Variants in PRKCE observed in about 807,000 individuals in gnomAD.
The protein encoded by PRKCE is protein kinase C epsilon type.
Under a neutral mutation model 85.4 loss-of-function variants are expected in PRKCE, and 16 were observed. The ratio of observed to expected loss-of-function variants is 0.19; its 90% CI spans 0.13 to 0.28. The LOEUF is 0.28. Among genes scored for constraint, PRKCE ranks in the 10% least tolerant of loss-of-function variants. The pLI, the probability that PRKCE is intolerant of heterozygous loss-of-function variation, is 1.00. For missense variants in PRKCE, 573 were observed against 975.2 expected (o/e 0.59, Z 5.49); for synonymous variants, 388 against 371.5 (o/e 1.04, Z -0.51).
intron 11 of PRKCE, among the ~76,000 whole-genome samples, chr2:46,137,027 G>C (rs544511431): frequency 1.3e-5 from 2 of 152,192 alleles, no homozygotes; most frequent in African/African-American, 2.4e-5. Context: ...CACTGGCAGG[G>C]AATGTGTATT....
At chr2:46,076,189 C>T (rs1161432603) in intron 10 of PRKCE, among the ~76,000 whole-genome samples, 1 of 152,226 alleles carries the variant, frequency 6.6e-6, no homozygotes, top group Non-Finnish European at 1.5e-5. Context: ...ACACACCATT[C>T]CTGCTTAACT....
At chr2:45,871,736 G>A (rs544189188) in intron 2 of PRKCE, among the ~76,000 whole-genome samples, 13 of 152,266 alleles carry the variant, frequency 8.5e-5, no homozygotes, top group Admixed American at 3.9e-4. Flanking sequence ...CCAGGTCAGC[G>A]GTAAGGATTT....
intron 10 of PRKCE, chr2:46,010,896 G>C: frequency 6.8e-7 from 1 of 1,479,916 alleles, no homozygotes; most frequent in Non-Finnish European, 8.9e-7. Context: ...ATATGAAAAA[G>C]AGTAAAGGCC....
intron 2 of PRKCE, among the ~76,000 whole-genome samples, chr2:45,925,419 C>A (rs971051024): frequency 6.6e-6 from 1 of 152,160 alleles, no homozygotes. Flanking sequence ...GCCTCAGCCT[C>A]CCGAGTAGCT....
At chr2:46,162,501 C>T in intron 14 of PRKCE, among the ~76,000 whole-genome samples, 1 of 152,152 alleles carries the variant, frequency 6.6e-6, no homozygotes, top group South Asian at 2.1e-4. Context: ...CTCCCTGCCT[C>T]CCCAGACCTT....
intron 1 of PRKCE, among the ~76,000 whole-genome samples, chr2:45,794,216 G>A (rs577696800): frequency 2.0e-5 from 3 of 152,042 alleles, no homozygotes; most frequent in South Asian, 4.2e-4. Context: ...TTGCCTTCTC[G>A]GATATCGACG....
chr2:46,156,170 T>C (rs1677188070), intron 13 of PRKCE, among the ~76,000 whole-genome samples: 1 of 151,946 alleles, frequency 6.6e-6, no homozygotes, highest in African/African-American at 2.4e-5. Flanking sequence ...GCCTCCAGGG[T>C]TCTGCATCAG....
chr2:46,123,709 C>A (rs1470778997), intron 11 of PRKCE, among the ~76,000 whole-genome samples: 1 of 152,180 alleles, frequency 6.6e-6, no homozygotes, highest in African/African-American at 2.4e-5. Flanking sequence ...TGGTATCAAA[C>A]TCCTGACCTC....
At chr2:45,741,909 C>T (rs1019679821) in intron 1 of PRKCE, among the ~76,000 whole-genome samples, 1 of 152,160 alleles carries the variant, frequency 6.6e-6, no homozygotes, top group African/African-American at 2.4e-5. Flanking sequence ...GCGGAAGTCC[C>T]CTGTAATGCT....
chr2:45,882,606 T>C (rs1390966906), intron 2 of PRKCE, among the ~76,000 whole-genome samples: 1 of 152,248 alleles, frequency 6.6e-6, no homozygotes, highest in Non-Finnish European at 1.5e-5. Context: ...CTTTTCTTTA[T>C]GGTGATATTT....
At chr2:46,107,143 C>A (rs2104166813) in intron 11 of PRKCE, among the ~76,000 whole-genome samples, 1 of 152,280 alleles carries the variant, frequency 6.6e-6, no homozygotes, top group South Asian at 2.1e-4. Flanking sequence ...TGTGCTTTAC[C>A]TATCCAACTC....
chr2:45,794,069 G>T (rs1210946435), intron 1 of PRKCE, among the ~76,000 whole-genome samples: 1 of 152,182 alleles, frequency 6.6e-6, no homozygotes, highest in Non-Finnish European at 1.5e-5. Flanking sequence ...GCCGCCCTGG[G>T]ACCCCAGCTA....
chr2:45,900,571 A>G (rs990755664), intron 2 of PRKCE, among the ~76,000 whole-genome samples: 10 of 152,242 alleles, frequency 6.6e-5, no homozygotes, highest in Admixed American at 1.3e-4. Flanking sequence ...AGTCAAGTTC[A>G]TAGAGGTAGA....
At chr2:45,902,289 T>C (rs1252244892) in intron 2 of PRKCE, among the ~76,000 whole-genome samples, 5 of 152,100 alleles carry the variant, frequency 3.3e-5, no homozygotes, top group African/African-American at 1.2e-4. Context: ...CCTGCAGTAA[T>C]TGGAACATGA....
intron 10 of PRKCE, among the ~76,000 whole-genome samples, chr2:46,022,907 T>C (rs944777438): frequency 4.6e-5 from 7 of 150,622 alleles, no homozygotes; most frequent in African/African-American, 9.8e-5. Context: ...CAAGGTGAAA[T>C]CCCGTCTCTA....
At chr2:45,651,337 C>T (rs1398128120), upstream of PRKCE, 3 of 150,944 alleles carry the variant, frequency 2.0e-5, no homozygotes, top group South Asian at 2.1e-4. Flanking sequence ...CGCCCCCGAG[C>T]CGGATCGGCG....
chr2:45,879,187 G>A (rs532904649), intron 2 of PRKCE, among the ~76,000 whole-genome samples: 2 of 152,216 alleles, frequency 1.3e-5, no homozygotes, highest in East Asian at 3.9e-4. Context: ...AGAAGAAGCA[G>A]CTGAATGTCA....
rs532789306 is a variant in PRKCE, at chr2:45,708,407, G to A, written c.348+55959G>A. 7.9e-4 allele frequency among the ~76,000 whole-genome samples: 121 copies of A among 152,288 alleles called. 2 individuals are homozygous for A. Among genetic ancestry groups the A allele is most frequent in the African/African-American group, 2.9e-3 (119 of 41,552 alleles). ...ACATGTTGTGGGAAGAACCTGGTGG[G>A]AGGTAATTGAATCATGGGGCCAGGT... On this transcript the variant is annotated intron_variant, in intron 1 of 14. Coordinates refer to ENST00000306156, the MANE Select transcript of PRKCE (RefSeq NM_005400.3).
chr2:45,814,383 C>T (rs1340345649), intron 1 of PRKCE, among the ~76,000 whole-genome samples: 1 of 152,188 alleles, frequency 6.6e-6, no homozygotes, highest in African/African-American at 2.4e-5. Context: ...AGAAGTGCTC[C>T]CTGCCTGGAA....
Sources: gnomAD v4.1 joint callset for allele counts (sites outside exome capture counted in the v4.1 genomes callset) on GRCh38, gnomAD v4.1.1 for gene constraint, MANE v1.5 for transcripts, NCBI Gene and HGNC (gene_info 2026-07-23, HGNC 2026-07-21) for gene names.